The following SLC16A14 variants were observed in gnomAD, a reference collection of about 807,000 sequenced individuals.
SLC16A14 encodes the protein solute carrier family 16 member 14, also known as monocarboxylate transporter 14.
Under a neutral mutation model 35.8 loss-of-function variants are expected in SLC16A14, and 14 were observed. The ratio of observed to expected loss-of-function variants is 0.39; its 90% CI spans 0.26 to 0.61. SLC16A14 has a LOEUF of 0.61. Among genes scored for constraint, SLC16A14 ranks in the 20% least tolerant of loss-of-function variants. The pLI is 0.51. For synonymous variants in SLC16A14, 248 were observed against 258.9 expected (o/e 0.96, Z 0.40); for missense variants, 533 against 655.0 (o/e 0.81, Z 2.03).
chr2:230,061,089 G>A (rs559227796), intron 1 of SLC16A14, among the ~76,000 whole-genome samples: 1 of 152,274 alleles, frequency 6.6e-6, no homozygotes, highest in African/African-American at 2.4e-5. Context: ...CCCAGCTATG[G>A]CCATGGAGCA....
In SLC16A14 at chr2:230,037,384, A is replaced by G. The variant is rs1436411815; in HGVS notation, c.1529T>C (p.Val510Ala). 1.9e-6 allele frequency: 3 copies of G among 1,600,514 alleles called. No homozygotes were observed. Among genetic ancestry groups the G allele is most frequent in the Non-Finnish European group, 2.6e-6 (3 of 1,175,976 alleles). The change falls in exon 5 of 5, where the codon GTT becomes GCT. Residue 510 changes from valine (V) to alanine (A), a missense_variant. Val to Ala is a moderately conservative substitution (Grantham distance 64). Transcript: ENST00000295190. ...TACACGGAACATTACATGATACTAA[A>G]CATGTGCACCATCCATGTATTTTCT... ...SRRKYMDGAH[V>A]
intron 2 of SLC16A14, among the ~76,000 whole-genome samples, chr2:230,058,753 C>T (rs2077727337): frequency 6.6e-6 from 1 of 152,178 alleles, no homozygotes; most frequent in South Asian, 2.1e-4. Flanking sequence ...CTGCTTCAGC[C>T]TCCCGAGTAG....
rs571751362 is a variant in SLC16A14 at position 230,064,785 on chromosome 2, C to T, written c.-15+3770G>A. 1.3e-3 allele frequency among the ~76,000 whole-genome samples: 203 copies of T among 152,022 alleles called. 1 individual carries two copies. The highest frequency in any genetic ancestry group is 0.01 in the Middle Eastern group (3 of 294). On this transcript the variant is annotated intron_variant, in intron 1 of 4. Transcript: ENST00000295190. ...CAGCACTTTGGGAGGCCGAGGTAGG[C>T]GGATCACCTGAGGTCGGGAGTGTGA...
intron 4 of SLC16A14, among the ~76,000 whole-genome samples, chr2:230,041,147 C>T (rs993897043): frequency 1.3e-5 from 2 of 152,000 alleles, no homozygotes; most frequent in Admixed American, 6.6e-5. Flanking sequence ...AGATGTTTTT[C>T]GTATTAATTA....
At chr2:230,051,679 T>G (rs2077660772) in intron 2 of SLC16A14, among the ~76,000 whole-genome samples, 2 of 152,222 alleles carry the variant, frequency 1.3e-5, no homozygotes, top group Non-Finnish European at 2.9e-5. Context: ...TATATGCAGA[T>G]GAACTATATT....
In SLC16A14 at chr2:230,046,354, T is replaced by C. The variant is rs753544186; in HGVS notation, c.772A>G (p.Thr258Ala). The C allele has an allele frequency of 8.7e-6, 14 of 1,613,928 alleles. No homozygotes were observed. Among genetic ancestry groups the C allele is most frequent in the Non-Finnish European group, 1.2e-5 (14 of 1,180,012 alleles). ...EKDGGLGNEE[T>A]LCDLQAQECP... ...TCCTGGGCTTGCAGGTCGCAGAGGG[T>C]CTCCTCGTTCCCGAGCCCACCATCC... Residue 258 changes from threonine to alanine, a missense_variant, in exon 4 of 5, where the codon ACC becomes GCC. Transcript: ENST00000295190. The surrounding 1 kb of genome is among the most constrained non-coding windows in gnomAD (Gnocchi z 5.0).
At chr2:230,060,115 T>C (rs914190362) in intron 1 of SLC16A14, among the ~76,000 whole-genome samples, 1 of 152,188 alleles carries the variant, frequency 6.6e-6, no homozygotes, top group Admixed American at 6.5e-5. Context: ...ACTAAGGAGT[T>C]TGAATAGATA....
chr2:230,037,367 A>G lies in SLC16A14; in HGVS notation c.*13T>C. The G allele has an allele frequency of 6.3e-7, 1 of 1,586,124 alleles. No individual in the cohort carries two copies. Among genetic ancestry groups the G allele is most frequent in the Non-Finnish European group, 8.5e-7 (1 of 1,169,802 alleles). On this transcript the variant is annotated 3_prime_UTR_variant, in exon 5 of 5. Transcript: ENST00000295190. ...AGTATTACAATGAAACCTACACGGA[A>G]CATTACATGATACTAAACATGTGCA... is the stretch of plus-strand genomic sequence containing the variant.
chr2:230,064,644 C>T (rs567249404), intron 1 of SLC16A14, among the ~76,000 whole-genome samples: 2 of 152,280 alleles, frequency 1.3e-5, no homozygotes, highest in East Asian at 3.9e-4. Context: ...TGTGATGAAA[C>T]AACAATACAT....
chr2:230,041,612 G>A (rs1245408093), intron 4 of SLC16A14, among the ~76,000 whole-genome samples: 1 of 152,126 alleles, frequency 6.6e-6, no homozygotes, highest in Non-Finnish European at 1.5e-5. Flanking sequence ...TTACAGGCAT[G>A]AGCCACCGCA....
At chr2:230,047,667 C>T (rs2106255996) in intron 3 of SLC16A14, among the ~76,000 whole-genome samples, 1 of 152,270 alleles carries the variant, frequency 6.6e-6, no homozygotes. Flanking sequence ...ATCTGTTGTA[C>T]AATATGGTGA....
chr2:230,037,785 G>A (rs1431404008), intron 4 of SLC16A14, among the ~76,000 whole-genome samples: 2 of 151,822 alleles, frequency 1.3e-5, no homozygotes, highest in African/African-American at 2.4e-5. Flanking sequence ...GACTGCATTC[G>A]TTAAGCCACT....
chr2:230,046,785 CG>C lies in SLC16A14; in HGVS notation c.404-64del. 8 of 1,502,014 alleles carry C rather than the reference CG, an allele frequency of 5.3e-6. No individual in the cohort carries two copies. Among genetic ancestry groups the C allele is most frequent in the Non-Finnish European group, 7.1e-6 (8 of 1,129,272 alleles). The allele number at this position is 1,502,014 out of a possible 1,614,324, so 93.0% of individuals were successfully genotyped here. On this transcript the variant is annotated intron_variant, in intron 3 of 4. Transcript: ENST00000295190. The surrounding 1 kb of genome is among the most constrained non-coding windows in gnomAD (Gnocchi z 5.0). ...AACATCAGTGGCCATATCCAGAATT[CG>C]CAGCAAAGATCACCTGCATTTCCTT...
Position 230,038,059 on chromosome 2 carries a change from GAATCAA to G in SLC16A14, c.1382-534_1382-529del, listed in dbSNP as rs2077532576. On this transcript the variant is annotated intron_variant, in intron 4 of 4. Transcript: ENST00000295190. This position sits in a 1 kb window ranked among gnomAD's most constrained non-coding sequence, Gnocchi z 4.4. ...TGAGGGTACACATTTGTTCTAGAAA[GAATCAA>G]AATCTTCAGGTGTTATAAAATTCAC... Among the ~76,000 whole-genome samples, 1 of 152,098 alleles carries G rather than the reference GAATCAA, an allele frequency of 6.6e-6. No homozygotes were observed. The highest frequency in any genetic ancestry group is 1.5e-5 in the Non-Finnish European group (1 of 68,022).
intron 2 of SLC16A14, among the ~76,000 whole-genome samples, chr2:230,054,103 G>T (rs1233091947): frequency 6.7e-6 from 1 of 149,758 alleles, no homozygotes; most frequent in Non-Finnish European, 1.5e-5. Flanking sequence ...GGAAGTTAAA[G>T]CTCCCCAGGT....
At chr2:230,047,829 CT>C (rs2077622197) in intron 3 of SLC16A14, among the ~76,000 whole-genome samples, 1 of 152,142 alleles carries the variant, frequency 6.6e-6, no homozygotes, top group Non-Finnish European at 1.5e-5. Context: ...TCACATTTGA[CT>C]CCACAAATAT....
intron 4 of SLC16A14, among the ~76,000 whole-genome samples, chr2:230,042,876 A>G (rs530701119): frequency 7.3e-4 from 111 of 152,210 alleles, no homozygotes; most frequent in African/African-American, 2.6e-3. Context: ...GCTATAAATG[A>G]TGATGTAGTG....
rs535533077 is a variant in SLC16A14, at chr2:230,042,960, C to T, written c.1381+2785G>A. Among the ~76,000 whole-genome samples the T allele has an allele frequency of 7.9e-5, 12 of 152,282 alleles. No homozygotes were observed. The East Asian group carries it at 1.9e-3, about 24-fold the overall frequency. ...GAAAGGGCCAAGAGGATGTCTGAGA[C>T]GTTGCCCCAATATCCTCCAGTCCCT... On this transcript the variant is annotated intron_variant, in intron 4 of 4. Coordinates refer to ENST00000295190, the MANE Select transcript of SLC16A14 (RefSeq NM_152527.5).
At chr2:230,040,455 T>C (rs1166052614) in intron 4 of SLC16A14, among the ~76,000 whole-genome samples, 2 of 152,064 alleles carry the variant, frequency 1.3e-5, no homozygotes, top group Non-Finnish European at 2.9e-5. Flanking sequence ...ACTCCTGACT[T>C]AGATAATCCA....
Sources: gnomAD v4.1 joint callset for allele counts (sites outside exome capture counted in the v4.1 genomes callset) on GRCh38, gnomAD v4.1.1 for gene constraint, Gnocchi (gnomAD v3.1) non-coding constraint, MANE v1.5 for transcripts, NCBI Gene and HGNC (gene_info 2026-07-23, HGNC 2026-07-21) for gene names.